Variants in STK32B observed in about 807,000 individuals in gnomAD.
STK32B encodes serine/threonine kinase 32B.
A neutral mutation model predicts 52.6 loss-of-function variants in STK32B; 43 were observed. That is an observed-to-expected ratio of 0.82 (90% CI 0.64 to 1.05). STK32B has a LOEUF of 1.05. Ranked by LOEUF, STK32B falls within the 50% of genes least tolerant of loss-of-function variation. The pLI is 0.00. For missense variants in STK32B, 621 were observed against 534.6 expected, an observed-to-expected ratio of 1.16 and a Z score of -1.59; for synonymous variants, 238 against 204.3, an observed-to-expected ratio of 1.17 and a Z score of -1.41.
chr4:5,309,790 A>G (rs1032142473), intron 3 of STK32B, among the ~76,000 whole-genome samples: 3 of 152,234 alleles, frequency 2.0e-5, no homozygotes, highest in Non-Finnish European at 2.9e-5. Context: ...GGAAGAAAAT[A>G]TAGGGGAAAT....
At chr4:5,082,028 AT>A (rs936307526) in intron 1 of STK32B, among the ~76,000 whole-genome samples, 2 of 152,030 alleles carry the variant, frequency 1.3e-5, no homozygotes, top group Admixed American at 1.3e-4. Context: ...TTAATGTCTC[AT>A]TTTAGCAGAT....
chr4:5,124,564 A>T (rs1715247248), intron 1 of STK32B, among the ~76,000 whole-genome samples: 1 of 152,244 alleles, frequency 6.6e-6, no homozygotes, highest in Non-Finnish European at 1.5e-5. Context: ...ATACAAAAAA[A>T]CAGAAGATCT....
intron 11 of STK32B, among the ~76,000 whole-genome samples, chr4:5,471,472 C>T (rs1367771315): frequency 6.6e-6 from 1 of 152,132 alleles, no homozygotes; most frequent in African/African-American, 2.4e-5. Flanking sequence ...GGAGCGGATT[C>T]TCCCTCAGAG....
chr4:5,484,932 C>CT (rs1251406789), intron 11 of STK32B, among the ~76,000 whole-genome samples: 7 of 152,190 alleles, frequency 4.6e-5, no homozygotes, highest in Non-Finnish European at 1.5e-5. Context: ...TCTCTTTTGG[C>CT]TTGTAGAGTT....
At chr4:5,435,481 A>G (rs73066427) in intron 6 of STK32B, among the ~76,000 whole-genome samples, 6,105 of 152,268 alleles carry the variant, frequency 0.04, 380 homozygotes, top group African/African-American at 0.13. Context: ...CTGAGCAGCT[A>G]GCTCAAAGCC....
At chr4:5,118,815 G>A (rs1560160759) in intron 1 of STK32B, among the ~76,000 whole-genome samples, 1 of 152,116 alleles carries the variant, frequency 6.6e-6, no homozygotes, top group African/African-American at 2.4e-5. Flanking sequence ...CTCCATTATG[G>A]CAAGTACCTG....
Position 5,494,643 on chromosome 4 carries a change from G to A in STK32B, c.1107-4302G>A, listed in dbSNP as rs111813932. ...ATGATGTTAGCTGGTTATTTTGCTC[G>A]TTAGTTGATGCAGTTTCTTCCTAGC... On this transcript the variant is annotated intron_variant, in intron 11 of 11. Transcript: ENST00000282908. 2.5e-4 allele frequency among the ~76,000 whole-genome samples: 38 copies of A among 152,202 alleles called. 2 individuals carry two copies. Among genetic ancestry groups the A allele is most frequent in the African/African-American group, 7.7e-4 (32 of 41,534 alleles).
intron 3 of STK32B, among the ~76,000 whole-genome samples, chr4:5,205,703 C>CAT (rs1476137031): frequency 2.8e-5 from 4 of 140,962 alleles, no homozygotes; most frequent in Non-Finnish European, 4.9e-5. Context: ...GGCGCGCGCG[C>CAT]GTGTGTGTGT....
chr4:5,284,964 T>C (rs1247663471), intron 3 of STK32B, among the ~76,000 whole-genome samples: 3 of 152,208 alleles, frequency 2.0e-5, no homozygotes, highest in Non-Finnish European at 4.4e-5. Flanking sequence ...AATTGCCTGA[T>C]AATGTACCAC....
chr4:5,179,251 T>C (rs182459555), intron 3 of STK32B, among the ~76,000 whole-genome samples: 4 of 152,300 alleles, frequency 2.6e-5, no homozygotes, highest in Admixed American at 2.0e-4. Flanking sequence ...TCACTCACTA[T>C]CACGAGAACA....
chr4:5,437,829 G>A, intron 6 of STK32B: 1 of 795,300 alleles, frequency 1.3e-6, no homozygotes, highest in Non-Finnish European at 1.5e-6. Context: ...CTAAACCTGT[G>A]TAGTTCTCTC....
chr4:5,218,298 G>A (rs1723306373), intron 3 of STK32B, among the ~76,000 whole-genome samples: 1 of 152,178 alleles, frequency 6.6e-6, no homozygotes, highest in Non-Finnish European at 1.5e-5. Flanking sequence ...AGATCACTCT[G>A]ACTGTTATGT....
At chr4:5,310,025 G>C (rs999023273) in intron 3 of STK32B, among the ~76,000 whole-genome samples, 1 of 152,102 alleles carries the variant, frequency 6.6e-6, no homozygotes, top group African/African-American at 2.4e-5. Flanking sequence ...AATTAGCCGG[G>C]CGTGGTGGCA....
At chr4:5,083,917 G>A (rs761445570) in intron 1 of STK32B, among the ~76,000 whole-genome samples, 8 of 152,106 alleles carry the variant, frequency 5.3e-5, no homozygotes, top group East Asian at 1.9e-4. Context: ...TGTATTTTTA[G>A]TAGAGATAGG....
intron 7 of STK32B, chr4:5,447,021 C>T (rs1577517006): frequency 2.5e-6 from 1 of 399,876 alleles, no homozygotes; most frequent in East Asian, 4.2e-5. Context: ...CAAAGGCCCA[C>T]AGCGGATCAG....
intron 4 of STK32B, among the ~76,000 whole-genome samples, chr4:5,373,511 C>T (rs1176361604): frequency 6.6e-6 from 1 of 152,212 alleles, no homozygotes; most frequent in Non-Finnish European, 1.5e-5. Flanking sequence ...CTAGCCAGGC[C>T]TTCAACTGAT....
At chr4:5,203,448 G>T (rs1722314068) in intron 3 of STK32B, among the ~76,000 whole-genome samples, 1 of 151,972 alleles carries the variant, frequency 6.6e-6, no homozygotes, top group Non-Finnish European at 1.5e-5. Context: ...TCAAAAAGCA[G>T]CTGACCACCC....
At chr4:5,208,252 C>A (rs1722699573) in intron 3 of STK32B, among the ~76,000 whole-genome samples, 1 of 152,200 alleles carries the variant, frequency 6.6e-6, no homozygotes, top group South Asian at 2.1e-4. Context: ...CAGTTAGTTA[C>A]ATGGCTTCCT....
intron 3 of STK32B, among the ~76,000 whole-genome samples, chr4:5,321,140 G>C (rs1205708335): frequency 1.3e-5 from 2 of 152,096 alleles, no homozygotes; most frequent in Non-Finnish European, 2.9e-5. Context: ...AAGTTACTCA[G>C]CTTCTCTGAA....
Sources: allele counts gnomAD v4.1 joint callset (sites outside exome capture counted in the v4.1 genomes callset), GRCh38; gene constraint gnomAD v4.1.1; transcripts MANE v1.5; gene names NCBI Gene and HGNC (gene_info 2026-07-23, HGNC 2026-07-21).